ZBTB16: variants seen among roughly 807,000 people sequenced by gnomAD.
ZBTB16 encodes zinc finger and BTB domain containing 16, also known as zinc finger and BTB domain-containing protein 16.
In ZBTB16, 8 loss-of-function variants were observed where a neutral mutation model predicts 56.8. The ratio of observed to expected loss-of-function variants is 0.14; its 90% confidence interval spans 0.08 to 0.25. ZBTB16 has a LOEUF of 0.25. Ranked by LOEUF, ZBTB16 falls within the 10% of genes least tolerant of loss-of-function variation. The pLI is 1.00. For synonymous variants in ZBTB16, 363 were observed against 368.5 expected (o/e 0.98, Z 0.17); for missense variants, 625 against 903.0 (o/e 0.69, Z 3.95).
At chr11:114,117,186 T>A (rs919855100) in intron 2 of ZBTB16, among the ~76,000 whole-genome samples, 2 of 152,026 alleles carry the variant, frequency 1.3e-5, no homozygotes, top group Non-Finnish European at 2.9e-5. Context: ...CCATTTGGTT[T>A]CACCAGAGCT....
intron 2 of ZBTB16, among the ~76,000 whole-genome samples, chr11:114,125,544 G>T (rs1408023778): frequency 6.6e-6 from 1 of 151,636 alleles, no homozygotes; most frequent in Non-Finnish European, 1.5e-5. Flanking sequence ...TTTCATTTTT[G>T]TCTTTCCTTG....
chr11:114,068,329 A>G (rs1294524861), intron 2 of ZBTB16, among the ~76,000 whole-genome samples: 1 of 152,190 alleles, frequency 6.6e-6, no homozygotes, highest in Non-Finnish European at 1.5e-5. Context: ...ATGGAATGTC[A>G]TCGGTAAGTT....
chr11:114,115,071 T>TA (rs1941129431), intron 2 of ZBTB16, among the ~76,000 whole-genome samples: 1 of 152,144 alleles, frequency 6.6e-6, no homozygotes, highest in Admixed American at 6.6e-5. Context: ...CTTCTTTTGT[T>TA]AAGAGGGAGG....
rs1252731053 is a variant in ZBTB16, at chr11:114,167,228, TTTGG to T, written c.1366+10797_1366+10800del. Among the ~76,000 whole-genome samples, 93 of 71,322 alleles carry T rather than the reference TTTGG, an allele frequency of 1.3e-3. 2 individuals are homozygous for T. The highest frequency in any genetic ancestry group is 5.5e-3 in the African/African-American group (69 of 12,640). The allele number at this position is 71,322 out of a possible 152,430, so 46.8% of individuals were successfully genotyped here. On this transcript the variant is annotated intron_variant, in intron 3 of 6. Transcript: ENST00000335953. Reference sequence around the variant, plus strand: ...TTATGGATTTGTGGTTTTTTTTTTTTTTGGTTTTTTTTTTTTTTTTTTTTTGACA... The same window carrying T: ...TTATGGATTTGTGGTTTTTTTTTTTTTTTTTTTTTTTTTTTTTTTTTGACA...
chr11:114,237,617 C>A (rs1944618903), intron 4 of ZBTB16, among the ~76,000 whole-genome samples: 1 of 152,156 alleles, frequency 6.6e-6, no homozygotes, highest in Non-Finnish European at 1.5e-5. Flanking sequence ...TTCCATAGTC[C>A]CACATTTTAA....
intron 2 of ZBTB16, among the ~76,000 whole-genome samples, chr11:114,134,875 T>C (rs1311486642): frequency 6.6e-6 from 1 of 152,258 alleles, no homozygotes; most frequent in African/African-American, 2.4e-5. Flanking sequence ...TGTGTTCTTT[T>C]AAATAAATAC....
chr11:114,209,524 C>T, intron 4 of ZBTB16: 1 of 985,408 alleles, frequency 1.0e-6, no homozygotes. Context: ...TGTGCTCCCT[C>T]CTGGCCTCTG....
rs1466820379 is a variant in ZBTB16 at position 114,252,105 on chromosome 11, G to A, written c.*1550G>A. Reference sequence around the variant, plus strand: ...GATCTGAATGTGAGGGCCGAGGAGGGCGAAGAGCGTGGGTGGGGAGGGGAT... The same window carrying A: ...GATCTGAATGTGAGGGCCGAGGAGGACGAAGAGCGTGGGTGGGGAGGGGAT... On this transcript the variant is annotated 3_prime_UTR_variant, in exon 7 of 7. Transcript: ENST00000335953. 6.6e-6 allele frequency among the ~76,000 whole-genome samples: 1 copy of A among 152,180 alleles called. No homozygotes were observed. The highest frequency in any genetic ancestry group is 2.4e-5 in the African/African-American group (1 of 41,442).
intron 3 of ZBTB16, among the ~76,000 whole-genome samples, chr11:114,165,734 T>C (rs1942732762): frequency 6.6e-6 from 1 of 152,090 alleles, no homozygotes; most frequent in Admixed American, 6.6e-5. Context: ...AGAACAGGCC[T>C]GGGTGAACCA....
At position 114,140,251 on chromosome 11, in the gene ZBTB16, C is replaced by A. The variant is rs1362241497; in HGVS notation, c.1269-16086C>A. ...GGTATCTTCTAAGCCCAGGCATGAG[C>A]CCCCCTCCTTGGGGAGGCCTGAGCT... is the stretch of plus-strand genomic sequence containing the variant. On this transcript the variant is annotated intron_variant, in intron 2 of 6. Transcript: ENST00000335953. Among the ~76,000 whole-genome samples, 4 of 152,158 alleles carry A rather than the reference C, an allele frequency of 2.6e-5. No homozygotes were observed. The East Asian group carries it at 7.7e-4, about 29-fold the overall frequency.
chr11:114,211,464 G>A (rs1176685724), intron 4 of ZBTB16, among the ~76,000 whole-genome samples: 1 of 152,140 alleles, frequency 6.6e-6, no homozygotes, highest in Non-Finnish European at 1.5e-5. Flanking sequence ...TTATTTTTGA[G>A]GATAGATAAC....
intron 4 of ZBTB16, among the ~76,000 whole-genome samples, chr11:114,205,092 A>G (rs929398307): frequency 6.6e-6 from 1 of 152,182 alleles, no homozygotes; most frequent in Admixed American, 6.5e-5. Context: ...AGCCCCAACC[A>G]GGCATTAGGA....
rs537631424 is a variant in ZBTB16 at position 114,255,052 on chromosome 11, A to G, written c.*4497A>G. On this transcript the variant is annotated 3_prime_UTR_variant, in exon 7 of 7. Coordinates refer to ENST00000335953, the MANE Select transcript of ZBTB16 (RefSeq NM_006006.6). ...ACATAGTGTTATGCATGATCTTCGTAAGGTTAAGAAGCCGTGGTGGTGCAC... is the reference window on the plus strand; with the variant it reads ...ACATAGTGTTATGCATGATCTTCGTGAGGTTAAGAAGCCGTGGTGGTGCAC... 1.7e-3 allele frequency among the ~76,000 whole-genome samples: 254 copies of G among 152,304 alleles called. No individual in the cohort carries two copies. The highest frequency in any genetic ancestry group is 3.4e-3 in the Middle Eastern group (1 of 294).
intron 2 of ZBTB16, among the ~76,000 whole-genome samples, chr11:114,086,064 G>A (rs1939947599): frequency 6.6e-6 from 1 of 152,100 alleles, no homozygotes; most frequent in African/African-American, 2.4e-5. Flanking sequence ...GTGCTTGCTT[G>A]AAGTTCTTAC....
chr11:114,137,470 C>T (rs1941828877), intron 2 of ZBTB16, among the ~76,000 whole-genome samples: 1 of 152,162 alleles, frequency 6.6e-6, no homozygotes, highest in Non-Finnish European at 1.5e-5. Context: ...GGAACTTGGC[C>T]ACACACTGGT....
intron 2 of ZBTB16, among the ~76,000 whole-genome samples, chr11:114,086,781 T>C (rs889713610): frequency 6.6e-6 from 1 of 152,246 alleles, no homozygotes; most frequent in Non-Finnish European, 1.5e-5. Context: ...ACTCTGTTGA[T>C]GCTGTTCTTT....
At chr11:114,164,174 T>C (rs1295066553) in intron 3 of ZBTB16, among the ~76,000 whole-genome samples, 1 of 152,228 alleles carries the variant, frequency 6.6e-6, no homozygotes, top group Non-Finnish European at 1.5e-5. Flanking sequence ...ATTGGATTTG[T>C]CATTTTTCCC....
At position 114,099,420 on chromosome 11, in the gene ZBTB16, G is replaced by A. The variant is rs1016663076; in HGVS notation, c.1268+34852G>A. 4.0e-5 allele frequency among the ~76,000 whole-genome samples: 6 copies of A among 151,796 alleles called. No individual in the cohort carries two copies. In the East Asian group the frequency reaches 5.8e-4, roughly 15 times the overall value. On this transcript the variant is annotated intron_variant, in intron 2 of 6. Coordinates refer to ENST00000335953, the MANE Select transcript of ZBTB16 (RefSeq NM_006006.6). The stretch of plus-strand genomic sequence containing the variant: ...GGAGTGTAGTTTATAATAAGGAAGT[G>A]TAGGTATTATTTAGATTTATCTCCT...
chr11:114,150,405 T>C (rs1477529694), intron 2 of ZBTB16, among the ~76,000 whole-genome samples: 1 of 152,090 alleles, frequency 6.6e-6, no homozygotes, highest in African/African-American at 2.4e-5. Flanking sequence ...GAGGCCAAGA[T>C]GGGAGGATCA....
Sources: gnomAD v4.1 joint callset for allele counts (sites outside exome capture counted in the v4.1 genomes callset) on GRCh38, gnomAD v4.1.1 for gene constraint, MANE v1.5 for transcripts, NCBI Gene and HGNC (gene_info 2026-07-23, HGNC 2026-07-21) for gene names.